DDX54: variants seen among roughly 807,000 people sequenced by gnomAD.
DDX54 encodes DEAD-box helicase 54.
DDX54 carries 67 observed loss-of-function variants against 105.5 expected under a neutral mutation model. The ratio of observed to expected loss-of-function variants is 0.64; its 90% confidence interval spans 0.52 to 0.78. DDX54 has a LOEUF of 0.78. DDX54 is among the 30% of genes least tolerant of loss of function. The pLI is 0.00. For missense variants in DDX54, 1,206 were observed against 1,230.5 expected, an observed-to-expected ratio of 0.98 and a Z score of 0.30; for synonymous variants, 514 against 509.9, an observed-to-expected ratio of 1.01 and a Z score of -0.11.
chr12:113,159,500 T>C (rs981910277), intron 19 of DDX54, among the ~76,000 whole-genome samples: 1 of 152,156 alleles, frequency 6.6e-6, no homozygotes, highest in African/African-American at 2.4e-5. Flanking sequence ...TGGGCATGAC[T>C]GTTACTATTA....
chr12:113,169,886 C>G lies in DDX54; in HGVS notation c.1298G>C (p.Gly433Ala), dbSNP rs1484726361. The change falls in exon 12 of 20, where the codon GGC (glycine) becomes GCC (alanine). Residue 433 changes from glycine to alanine, a missense_variant. Gly to Ala is a moderately conservative substitution (Grantham distance 60). Around this residue, in one of 3 missense-constraint regions of DDX54, gnomAD observed 961 missense variants for 1,019.1 expected, o/e 0.94. Coordinates refer to ENST00000306014, the MANE Select transcript of DDX54 (RefSeq NM_024072.4). ...CAAGGAGTAGGCTGTGCCACTTCGG[C>G]CAGCCCGAGCCACACGGCCTGCAGC... ...LHRVGRVARA[G>A]RSGTAYSLVA... is the part of the protein sequence containing the mutation. 6.2e-7 allele frequency: 1 copy of G among 1,613,106 alleles called. No individual in the cohort carries two copies. The highest frequency in any genetic ancestry group is 8.5e-7 in the Non-Finnish European group (1 of 1,179,944).
chr12:113,181,472 G>GTATT (rs2136327506), intron 1 of DDX54, among the ~76,000 whole-genome samples: 1 of 149,856 alleles, frequency 6.7e-6, no homozygotes, highest in African/African-American at 2.5e-5. Context: ...TTTTTATTTT[G>GTATT]TATTTATTTT....
At position 113,157,553 on chromosome 12, in the gene DDX54, G is replaced by A; in HGVS notation, c.*1324C>T. ...CCCCGCGTGTTGAGGGGTGGGGGCT[G>A]GACAGTGACTCTGGGGCTGGGATGT... On this transcript the variant is annotated 3_prime_UTR_variant, in exon 20 of 20. Transcript: ENST00000306014. The A allele has an allele frequency of 6.6e-7, 1 of 1,503,780 alleles. No individual in the cohort carries two copies. 93.2% of individuals were successfully genotyped at this position (1,503,780 alleles called of 1,614,324 possible).
At chr12:113,164,585 G>A (rs1054291284) in intron 14 of DDX54, among the ~76,000 whole-genome samples, 2 of 152,158 alleles carry the variant, frequency 1.3e-5, no homozygotes, top group Non-Finnish European at 2.9e-5. Flanking sequence ...GTGGTGGTGG[G>A]CACCTGTAGT....
rs549575410 is a variant in DDX54, at chr12:113,185,108, G to GCC, written c.174+168_174+169dup. On this transcript the variant is annotated intron_variant, in intron 1 of 19. Transcript: ENST00000306014. ...GGCCGCGGAACCCTGAGCCTGACAA[G>GCC]CCCCGAGACACGTGCTCAGGCCGGC... Among the ~76,000 whole-genome samples, 243 of 152,322 alleles carry GCC rather than the reference G, an allele frequency of 1.6e-3. 1 individual carries two copies. The highest frequency in any genetic ancestry group is 5.7e-3 in the African/African-American group (235 of 41,568).
Position 113,172,522 on chromosome 12 carries a change from A to C in DDX54, c.1110T>G (p.Ser370Arg). 6.2e-7 allele frequency: 1 copy of C among 1,614,214 alleles called. No homozygotes were observed. The highest frequency in any genetic ancestry group is 1.1e-5 in the South Asian group (1 of 91,082). The stretch of plus-strand genomic sequence containing the variant: ...TCTTGCGGGCTGTCGGGTCTAGGGC[A>C]CTGTAGATGTGGGCGCAGCTCACCC... ...TQRVSCAHIY[S>R]ALDPTARKIN... Residue 370 changes from serine to arginine, a missense_variant, in exon 11 of 20, where the codon AGT becomes AGG. Physicochemically the swap from Ser to Arg is moderately radical, Grantham distance 110. Around this residue, in one of 3 missense-constraint regions of DDX54, gnomAD observed 961 missense variants for 1,019.1 expected, o/e 0.94. Coordinates refer to ENST00000306014, the MANE Select transcript of DDX54 (RefSeq NM_024072.4).
intron 14 of DDX54, 126 bp from the exon 15 acceptor site, chr12:113,164,411 A>G: frequency 8.3e-7 from 1 of 1,201,964 alleles, no homozygotes; most frequent in Non-Finnish European, 1.1e-6. Context: ...TCTGCACTTC[A>G]CAATTAGATA....
rs1184638579 is a variant in DDX54, at chr12:113,163,983, C to T, written c.1938+84G>A. The T allele has an allele frequency of 2.2e-5, 32 of 1,465,268 alleles. No homozygotes were observed. The highest frequency in any genetic ancestry group is 2.8e-5 in the Non-Finnish European group (31 of 1,105,760). 90.8% of individuals were successfully genotyped at this position (1,465,268 alleles called of 1,614,324 possible). A position where few individuals can be genotyped will look rare whatever the true frequency, so the allele number is the denominator to read the frequency against. Reference sequence around the variant, plus strand: ...CCACCTCCATCCACTGCTCAAAGATCCTAGGACAGCCTCATGGGCTGCTGG... The same window carrying T: ...CCACCTCCATCCACTGCTCAAAGATTCTAGGACAGCCTCATGGGCTGCTGG... On this transcript the variant is annotated intron_variant, in intron 15 of 19. Coordinates refer to ENST00000306014, the MANE Select transcript of DDX54 (RefSeq NM_024072.4). The surrounding 1 kb of genome is among the most constrained non-coding windows in gnomAD (Gnocchi z 5.9).
intron 5 of DDX54, among the ~76,000 whole-genome samples, chr12:113,177,922 G>A (rs909687597): frequency 1.3e-5 from 2 of 152,184 alleles, no homozygotes; most frequent in African/African-American, 2.4e-5. Flanking sequence ...AACATCCCTC[G>A]ATTCCTGTGC....
rs1566090817 is a variant in DDX54 at position 113,158,738 on chromosome 12, C to T, written c.*139G>A. 1 of 940,356 alleles carries T rather than the reference C, an allele frequency of 1.1e-6. No homozygotes were observed. The highest frequency in any genetic ancestry group is 2.7e-5 in the East Asian group (1 of 36,964). 58.3% of individuals were successfully genotyped at this position (940,356 alleles called of 1,614,324 possible). On this transcript the variant is annotated 3_prime_UTR_variant, in exon 20 of 20. Transcript: ENST00000306014. This position sits in a 1 kb window ranked among gnomAD's most constrained non-coding sequence, Gnocchi z 4.9. The stretch of plus-strand genomic sequence containing the variant: ...GCTGCCCTTCTGTGGCCATACAGTG[C>T]TCCTTTTCACAGATGATGGCTCCTG...
intron 17 of DDX54, among the ~76,000 whole-genome samples, chr12:113,162,444 G>A (rs1952219154): frequency 6.6e-6 from 1 of 152,222 alleles, no homozygotes; most frequent in African/African-American, 2.4e-5. Context: ...AAATCAAGGG[G>A]ACAGCACAGC....
intron 14 of DDX54, among the ~76,000 whole-genome samples, chr12:113,164,928 G>C (rs564390143): frequency 6.4e-4 from 97 of 152,096 alleles, no homozygotes; most frequent in African/African-American, 2.3e-3. Context: ...TCAGGAGGCT[G>C]AGATAGGAGG....
At chr12:113,167,952 C>G (rs376681875) in intron 12 of DDX54, 2 of 510,004 alleles carry the variant, frequency 3.9e-6, no homozygotes, top group Non-Finnish European at 7.8e-6. Flanking sequence ...GCTTGCACCT[C>G]CCTCCCTTGG....
chr12:113,175,436 G>T (rs1460240609), intron 7 of DDX54, among the ~76,000 whole-genome samples: 1 of 152,202 alleles, frequency 6.6e-6, no homozygotes, highest in African/African-American at 2.4e-5. Flanking sequence ...ACTTTGAGAG[G>T]CCAAGGCAGG....
chr12:113,179,186 G>A lies in DDX54; in HGVS notation c.521C>T (p.Pro174Leu), dbSNP rs151173870. Residue 174 changes from proline (P) to leucine (L), a missense_variant, in exon 4 of 20, where the codon CCG becomes CTG. By Grantham distance (98) the Pro-to-Leu change is moderately conservative (BLOSUM62 -3). Transcript: ENST00000306014. ...GGTCTGCAGGGCCAGCTCTCGGGTCGGCGAGAGGATGAGGGCGCGGGCCCC... is the reference window on the plus strand; with the variant it reads ...GGTCTGCAGGGCCAGCTCTCGGGTCAGCGAGAGGATGAGGGCGCGGGCCCC... The part of the protein sequence containing the change: ...QTGARALILS[P>L]TRELALQTLK... 1.2e-5 allele frequency: 20 copies of A among 1,613,978 alleles called. No homozygotes were observed. The highest frequency in any genetic ancestry group is 6.7e-5 in the Admixed American group (4 of 59,990).
chr12:113,184,326 C>T (rs1224802472), intron 1 of DDX54, among the ~76,000 whole-genome samples: 1 of 152,180 alleles, frequency 6.6e-6, no homozygotes, highest in Admixed American at 6.5e-5. Flanking sequence ...AAGCAATCCT[C>T]CCACCTCAGC....
At chr12:113,173,580 G>A (rs938780506) in intron 10 of DDX54, among the ~76,000 whole-genome samples, 1 of 152,114 alleles carries the variant, frequency 6.6e-6, no homozygotes, top group African/African-American at 2.4e-5. Context: ...ACCCAGGCGG[G>A]GGTCACACAG....
At chr12:113,175,306 T>C in intron 7 of DDX54, 149 bp from the exon 8 acceptor site, 1 of 1,130,766 alleles carries the variant, frequency 8.8e-7, no homozygotes, top group Non-Finnish European at 1.2e-6. Context: ...CGTGACTTCA[T>C]CCTAAACAAC....
At chr12:113,185,179 C>G (rs2136330844) in intron 1 of DDX54, 99 bp downstream of exon 1, 6 of 1,388,260 alleles carry the variant, frequency 4.3e-6, no homozygotes, top group Middle Eastern at 3.9e-4. Flanking sequence ...TCCCCACACT[C>G]TGCGGAGCCC....
Sources: allele counts gnomAD v4.1 joint callset (sites outside exome capture counted in the v4.1 genomes callset), GRCh38; gene constraint gnomAD v4.1.1; regional missense constraint gnomAD v4.1.1; non-coding constraint Gnocchi (gnomAD v3.1); transcripts MANE v1.5; gene names NCBI Gene and HGNC (gene_info 2026-07-23, HGNC 2026-07-21).